The following SPAG16 variants were observed in gnomAD, a reference collection of about 807,000 sequenced individuals.
The protein encoded by SPAG16 is sperm-associated antigen 16 protein.
A neutral mutation model predicts 80.4 loss-of-function variants in SPAG16; 86 were observed. The ratio of observed to expected loss-of-function variants is 1.07; its 90% CI spans 0.90 to 1.28. SPAG16 has a LOEUF of 1.28. SPAG16 is among the 50% of genes most tolerant of loss of function. The probability of loss-of-function intolerance (pLI) is 0.00; values close to 1 mark genes in which losing one functional copy is unlikely to be tolerated. For missense variants in SPAG16, 870 were observed against 765.3 expected (o/e 1.14, Z -1.61); for synonymous variants, 294 against 265.9 (o/e 1.11, Z -1.03).
chr2:213,686,905 G>C (rs570041093), intron 10 of SPAG16, among the ~76,000 whole-genome samples: 49 of 150,976 alleles, frequency 3.2e-4, no homozygotes, highest in Non-Finnish European at 5.9e-4. Flanking sequence ...GGGTGGTCTT[G>C]ATGTCCTGAC....
chr2:214,393,608 T>C (rs1383316279), intron 15 of SPAG16, among the ~76,000 whole-genome samples: 1 of 151,900 alleles, frequency 6.6e-6, no homozygotes, highest in Non-Finnish European at 1.5e-5. Flanking sequence ...ATCATTTAAG[T>C]CAAAATGTGT....
chr2:214,078,703 G>A (rs1198802634), intron 13 of SPAG16, among the ~76,000 whole-genome samples: 3 of 151,962 alleles, frequency 2.0e-5, no homozygotes, highest in Non-Finnish European at 4.4e-5. Flanking sequence ...ATAACCCTTT[G>A]AGGAAATTTA....
chr2:213,695,964 A>G (rs1176061810), intron 10 of SPAG16, among the ~76,000 whole-genome samples: 2 of 152,220 alleles, frequency 1.3e-5, no homozygotes, highest in Non-Finnish European at 2.9e-5. Flanking sequence ...ACGTAAGGGT[A>G]GAAGAAGAGA....
intron 10 of SPAG16, among the ~76,000 whole-genome samples, chr2:213,660,739 C>T (rs915696134): frequency 1.3e-5 from 2 of 152,138 alleles, no homozygotes; most frequent in Admixed American, 6.5e-5. Flanking sequence ...GATCATAGAT[C>T]GATTGCATCT....
intron 12 of SPAG16, among the ~76,000 whole-genome samples, chr2:213,968,496 A>G (rs1448160326): frequency 1.3e-5 from 2 of 152,190 alleles, no homozygotes; most frequent in African/African-American, 2.4e-5. Context: ...CCCGGCCTCA[A>G]CTACTTCTTT....
At chr2:213,918,987 A>G (rs943952655) in intron 11 of SPAG16, among the ~76,000 whole-genome samples, 3 of 152,160 alleles carry the variant, frequency 2.0e-5, no homozygotes, top group African/African-American at 7.2e-5. Context: ...TGTCAGGATC[A>G]GTGTAATGCC....
At chr2:213,473,689 G>A (rs1282884296) in intron 9 of SPAG16, among the ~76,000 whole-genome samples, 1 of 152,148 alleles carries the variant, frequency 6.6e-6, no homozygotes, top group East Asian at 1.9e-4. Flanking sequence ...TCCCTACTTA[G>A]TGGGCCCAAA....
chr2:213,947,756 CTA>C (rs1170806964), intron 12 of SPAG16, among the ~76,000 whole-genome samples: 1 of 152,104 alleles, frequency 6.6e-6, no homozygotes, highest in Non-Finnish European at 1.5e-5. Flanking sequence ...AATCCATAGT[CTA>C]TGTGGATCTG....
chr2:213,804,640 G>A (rs1018780403), intron 10 of SPAG16, among the ~76,000 whole-genome samples: 5 of 152,170 alleles, frequency 3.3e-5, no homozygotes, highest in Non-Finnish European at 5.9e-5. Context: ...CCGAGATCGC[G>A]CCACTGCAGT....
chr2:213,402,770 G>C (rs1446911718), intron 9 of SPAG16, among the ~76,000 whole-genome samples: 4 of 152,122 alleles, frequency 2.6e-5, no homozygotes, highest in Non-Finnish European at 5.9e-5. Flanking sequence ...CATTTTTTAT[G>C]GCTGCATAGT....
At chr2:213,889,755 C>T (rs571892970) in intron 11 of SPAG16, among the ~76,000 whole-genome samples, 4 of 147,702 alleles carry the variant, frequency 2.7e-5, no homozygotes, top group Admixed American at 1.4e-4. Context: ...ATTTTTTAAC[C>T]GCCCACCTAT....
chr2:213,633,436 C>T (rs967595230), intron 10 of SPAG16, among the ~76,000 whole-genome samples: 1 of 152,034 alleles, frequency 6.6e-6, no homozygotes, highest in Non-Finnish European at 1.5e-5. Context: ...TTGTTTTATG[C>T]TCTAATATAT....
intron 9 of SPAG16, among the ~76,000 whole-genome samples, chr2:213,387,086 A>T (rs2067466918): frequency 6.6e-6 from 1 of 152,166 alleles, no homozygotes; most frequent in Non-Finnish European, 1.5e-5. Flanking sequence ...GAATAGTTTT[A>T]AAAGGTAATA....
intron 15 of SPAG16, among the ~76,000 whole-genome samples, chr2:214,304,582 G>C (rs1248319194): frequency 6.6e-6 from 1 of 152,106 alleles, no homozygotes; most frequent in Non-Finnish European, 1.5e-5. Context: ...GTAAATTTCT[G>C]TTCAGGGCTC....
chr2:213,729,777 G>T (rs2125418623), intron 10 of SPAG16, among the ~76,000 whole-genome samples: 1 of 152,314 alleles, frequency 6.6e-6, no homozygotes, highest in East Asian at 1.9e-4. Context: ...CATTTGTTTA[G>T]TAAACACCAA....
At position 213,292,435 on chromosome 2, in the gene SPAG16, C is replaced by T. The variant is rs867012040; in HGVS notation, c.137-3629C>T. ...ATCCCAGCACTTTGGGAGGCCGAGG[C>T]GGGCGGATCATGAGGTCAGGAGATC... On this transcript the variant is annotated intron_variant, in intron 1 of 15. Coordinates refer to ENST00000331683, the MANE Select transcript of SPAG16 (RefSeq NM_024532.5). Among the ~76,000 whole-genome samples, 6 of 151,868 alleles carry T rather than the reference C, an allele frequency of 4.0e-5. No homozygotes were observed. In the East Asian group the frequency reaches 5.8e-4, roughly 15 times the overall value.
rs542130136 is a variant in SPAG16 at position 213,494,387 on chromosome 2, C to A, written c.1070+4297C>A. Among the ~76,000 whole-genome samples, 24 of 152,302 alleles carry A rather than the reference C, an allele frequency of 1.6e-4. 3 individuals carry two copies. The South Asian group carries it at 5.0e-3, about 32-fold the overall frequency. ...AAAGACCTAATCTTCTCCTTATCTC[C>A]CTCATTTTTGCAAACGTACCAAATC... On this transcript the variant is annotated intron_variant, in intron 10 of 15. Coordinates refer to ENST00000331683, the MANE Select transcript of SPAG16 (RefSeq NM_024532.5).
intron 10 of SPAG16, among the ~76,000 whole-genome samples, chr2:213,819,596 G>T (rs2072801075): frequency 6.6e-6 from 1 of 151,954 alleles, no homozygotes. Context: ...CCAGGCTAAA[G>T]TGCAATGGCA....
rs979488879 is a variant in SPAG16, at chr2:214,299,517, G to A, written c.1721-110623G>A. On this transcript the variant is annotated intron_variant, in intron 15 of 15. Transcript: ENST00000331683. ...CCTGCTTCAGCCTCAAAAGTGCTGG[G>A]ATTACAGGCATGAGCCACCGTGCCC... 2.6e-5 allele frequency among the ~76,000 whole-genome samples: 4 copies of A among 151,962 alleles called. No individual in the cohort carries two copies. In the East Asian group the frequency reaches 7.7e-4, roughly 29 times the overall value.
Sources: allele counts gnomAD v4.1 joint callset (sites outside exome capture counted in the v4.1 genomes callset), GRCh38; gene constraint gnomAD v4.1.1; transcripts MANE v1.5; gene names NCBI Gene and HGNC (gene_info 2026-07-23, HGNC 2026-07-21).